The following ZFHX3 variants were observed in gnomAD, a reference collection of about 807,000 sequenced individuals.
ZFHX3 encodes zinc finger homeobox 3, also known as zinc finger homeobox protein 3.
ZFHX3 carries 42 observed loss-of-function variants against 279.1 expected under a neutral mutation model. The ratio of observed to expected loss-of-function variants is 0.15; its 90% confidence interval spans 0.12 to 0.19. The LOEUF is 0.19. Among genes scored for constraint, ZFHX3 ranks in the 10% least tolerant of loss-of-function variants. The pLI, the probability that ZFHX3 is intolerant of heterozygous loss-of-function variation, is 1.00. For missense variants in ZFHX3, 4,981 were observed against 4,754.0 expected, an observed-to-expected ratio of 1.05 and a Z score of -1.40; for synonymous variants, 2,293 against 1,957.8, an observed-to-expected ratio of 1.17 and a Z score of -4.52.
intron 1 of ZFHX3, among the ~76,000 whole-genome samples, chr16:73,735,306 C>T (rs990003999): frequency 8.8e-5 from 13 of 148,274 alleles, no homozygotes; most frequent in African/African-American, 3.3e-4. Context: ...ATGATAAAAC[C>T]TAACTTTATG....
intron 2 of ZFHX3, among the ~76,000 whole-genome samples, chr16:73,600,637 G>C (rs563924768): frequency 1.3e-4 from 20 of 152,120 alleles, no homozygotes; most frequent in African/African-American, 4.1e-4. Context: ...AGCCAGAATG[G>C]TCTCGATCTC....
chr16:73,621,374 T>C (rs1270834252), intron 2 of ZFHX3, among the ~76,000 whole-genome samples: 1 of 152,168 alleles, frequency 6.6e-6, no homozygotes, highest in Non-Finnish European at 1.5e-5. Flanking sequence ...TAAATGAAAG[T>C]AGAAATTCAT....
At chr16:73,682,987 A>G (rs867351633) in intron 1 of ZFHX3, among the ~76,000 whole-genome samples, 6 of 36,316 alleles carry the variant, frequency 1.7e-4, no homozygotes, top group Non-Finnish European at 3.1e-4. Context: ...AGAAAGAAAG[A>G]AAGAAAAGAA....
chr16:72,938,065 T>A (rs1190472284), intron 3 of ZFHX3, among the ~76,000 whole-genome samples: 1 of 152,248 alleles, frequency 6.6e-6, no homozygotes, highest in Admixed American at 6.5e-5. Context: ...TACGAACCAG[T>A]TGGTGAAACC....
At chr16:73,629,047 C>T (rs1343971529) in intron 2 of ZFHX3, among the ~76,000 whole-genome samples, 1 of 152,308 alleles carries the variant, frequency 6.6e-6, no homozygotes, top group East Asian at 1.9e-4. Flanking sequence ...CTGTAATAAA[C>T]CCCCGCCGGT....
At chr16:73,678,772 C>A (rs1357729171) in intron 2 of ZFHX3, among the ~76,000 whole-genome samples, 1 of 152,118 alleles carries the variant, frequency 6.6e-6, no homozygotes, top group Non-Finnish European at 1.5e-5. Context: ...AGGAGTTTTT[C>A]ATTTCATACA....
chr16:72,893,635 TTCTG>T (rs1395534717), intron 3 of ZFHX3, among the ~76,000 whole-genome samples: 1 of 152,222 alleles, frequency 6.6e-6, no homozygotes, highest in Non-Finnish European at 1.5e-5. Context: ...CCATGAATTA[TTCTG>T]TCTGCCACTT....
intron 3 of ZFHX3, among the ~76,000 whole-genome samples, chr16:73,370,799 A>C (rs1430328392): frequency 1.3e-5 from 2 of 152,168 alleles, no homozygotes; most frequent in African/African-American, 4.8e-5. Context: ...TTAAAAACTC[A>C]ACCAATATAT....
chr16:73,453,570 G>A (rs2018317313), intron 3 of ZFHX3, among the ~76,000 whole-genome samples: 2 of 152,228 alleles, frequency 1.3e-5, no homozygotes, highest in African/African-American at 4.8e-5. Flanking sequence ...TGGCCCAGGA[G>A]CCAGACATGC....
chr16:73,780,110 A>ATTTT (rs1315631586), intron 1 of ZFHX3, among the ~76,000 whole-genome samples: 1 of 44,744 alleles, frequency 2.2e-5, no homozygotes, highest in African/African-American at 4.9e-5. Context: ...ACTGCATTTG[A>ATTTT]ATTTTTTTTT....
chr16:73,707,709 G>A (rs2053318663), intron 1 of ZFHX3, among the ~76,000 whole-genome samples: 1 of 151,384 alleles, frequency 6.6e-6, no homozygotes, highest in African/African-American at 2.4e-5. Flanking sequence ...CCTGCACGTT[G>A]TGCACATGTA....
intron 2 of ZFHX3, among the ~76,000 whole-genome samples, chr16:73,677,508 G>C (rs1288400556): frequency 1.3e-5 from 2 of 151,838 alleles, no homozygotes; most frequent in Non-Finnish European, 2.9e-5. Context: ...ACTGGAAATA[G>C]TAAACTTTAG....
chr16:73,792,694 G>A (rs372116267), intron 1 of ZFHX3, among the ~76,000 whole-genome samples: 16 of 152,290 alleles, frequency 1.1e-4, no homozygotes, highest in Admixed American at 6.5e-4. Flanking sequence ...CAGCATGAAC[G>A]AATGGAGAAT....
intron 2 of ZFHX3, among the ~76,000 whole-genome samples, chr16:73,576,635 G>C (rs2051802450): frequency 6.6e-6 from 1 of 152,090 alleles, no homozygotes; most frequent in Non-Finnish European, 1.5e-5. Context: ...TAACATGTAT[G>C]TCCCAAAGCA....
chr16:73,141,483 G>A (rs1327261193), intron 6 of ZFHX3, among the ~76,000 whole-genome samples: 2 of 150,660 alleles, frequency 1.3e-5, no homozygotes, highest in South Asian at 2.1e-4. Flanking sequence ...TTATAGCCTC[G>A]AACTCCTGGG....
chr16:73,037,992 T>A (rs892326949), intron 1 of ZFHX3, among the ~76,000 whole-genome samples: 2 of 152,280 alleles, frequency 1.3e-5, no homozygotes, highest in East Asian at 1.9e-4. Context: ...CTTCACCTTA[T>A]CTTTAAGCCC....
chr16:73,335,799 G>A (rs2015901248), intron 3 of ZFHX3, among the ~76,000 whole-genome samples: 1 of 152,270 alleles, frequency 6.6e-6, no homozygotes, highest in South Asian at 2.1e-4. Context: ...GAGCAGAAAT[G>A]GTCTCCTGGA....
chr16:73,268,487 G>C (rs1487278052), intron 4 of ZFHX3, among the ~76,000 whole-genome samples: 1 of 152,164 alleles, frequency 6.6e-6, no homozygotes, highest in Non-Finnish European at 1.5e-5. Flanking sequence ...CTGGCGCTGC[G>C]CCCGACGCAG....
rs1285928386 is a variant in ZFHX3, at chr16:73,151,958, G to A, written c.-1103-8127C>T. 2.0e-5 allele frequency among the ~76,000 whole-genome samples: 3 copies of A among 150,474 alleles called. No individual in the cohort carries two copies. The East Asian group carries it at 5.8e-4, about 29-fold the overall frequency. ...CACAGAAAAAAACAGAAAAGGAGAG[G>A]GGCGGAGAAGAGAGCTGGGAAGGGG... On this transcript the variant is annotated intron_variant, in intron 5 of 17. Coordinates refer to the ZFHX3 transcript ENST00000641206.
Sources: allele counts gnomAD v4.1 joint callset (sites outside exome capture counted in the v4.1 genomes callset), GRCh38; gene constraint gnomAD v4.1.1; transcripts MANE v1.5; gene names NCBI Gene and HGNC (gene_info 2026-07-23, HGNC 2026-07-21).